VEPH1: variants seen among roughly 807,000 people sequenced by gnomAD.
VEPH1 encodes the protein ventricular zone-expressed PH domain-containing protein homolog 1.
Under a neutral mutation model 85.2 loss-of-function variants are expected in VEPH1, and 80 were observed. That is an observed-to-expected ratio of 0.94 (90% CI 0.78 to 1.13). The LOEUF (loss-of-function observed/expected upper bound fraction) is 1.13. Ranked by LOEUF, VEPH1 falls within the 50% of genes most tolerant of loss-of-function variation. The pLI is 0.00. For synonymous variants in VEPH1, 297 were observed against 348.0 expected, an observed-to-expected ratio of 0.85 and a Z score of 1.63; for missense variants, 955 against 980.5, an observed-to-expected ratio of 0.97 and a Z score of 0.35.
At chr3:157,488,715 C>T (rs906735124) in intron 2 of VEPH1, among the ~76,000 whole-genome samples, 3 of 151,968 alleles carry the variant, frequency 2.0e-5, no homozygotes, top group Non-Finnish European at 4.4e-5. Context: ...CAGACTCATA[C>T]ATACAATACT....
intron 2 of VEPH1, among the ~76,000 whole-genome samples, chr3:157,473,111 C>T (rs1358850079): frequency 1.6e-5 from 2 of 124,044 alleles, no homozygotes; most frequent in African/African-American, 6.2e-5. Context: ...CTCACTCTGT[C>T]ACCCAGGCTG....
intron 9 of VEPH1, among the ~76,000 whole-genome samples, chr3:157,344,122 C>G (rs1464568928): frequency 4.6e-5 from 7 of 152,146 alleles, no homozygotes; most frequent in Non-Finnish European, 8.8e-5. Context: ...TGGCACAAGA[C>G]AGGGATGCTC....
chr3:157,426,488 C>T (rs1158538108), intron 5 of VEPH1, among the ~76,000 whole-genome samples: 2 of 152,156 alleles, frequency 1.3e-5, no homozygotes, highest in Non-Finnish European at 2.9e-5. Flanking sequence ...AACCAAACCT[C>T]ATCTGATTTT....
intron 9 of VEPH1, among the ~76,000 whole-genome samples, chr3:157,319,875 T>G (rs1194045717): frequency 6.6e-6 from 1 of 152,172 alleles, no homozygotes; most frequent in Non-Finnish European, 1.5e-5. Context: ...GAGAGATTCT[T>G]AACTTAGAAG....
At chr3:157,409,673 C>A in intron 6 of VEPH1, 1 of 985,410 alleles carries the variant, frequency 1.0e-6, no homozygotes. Flanking sequence ...CTGTTGAAAA[C>A]AGTCTGCTCA....
At chr3:157,438,502 A>G (rs1733854865) in intron 4 of VEPH1, among the ~76,000 whole-genome samples, 1 of 152,122 alleles carries the variant, frequency 6.6e-6, no homozygotes, top group South Asian at 2.1e-4. Flanking sequence ...GGAATTCTTC[A>G]GGGGTCCCCC....
At chr3:157,316,070 A>G (rs1553763281) in intron 10 of VEPH1, 1 of 152,068 alleles carries the variant, frequency 6.6e-6, no homozygotes, top group Non-Finnish European at 1.5e-5. Context: ...GGCATGTCCA[A>G]TCTGTCTCTT....
At chr3:157,492,709 A>G (rs373424245) in intron 2 of VEPH1, among the ~76,000 whole-genome samples, 3 of 152,336 alleles carry the variant, frequency 2.0e-5, no homozygotes, top group South Asian at 4.1e-4. Context: ...GAACATGTTA[A>G]CAATTTGAAC....
chr3:157,362,545 AC>A lies in VEPH1; in HGVS notation c.1735+818del, dbSNP rs1726165829. ...GTCCTGACATAAGATGGTTGAATTT[AC>A]CATTTTTTGACTTTACAATGGTGTG... On this transcript the variant is annotated intron_variant, in intron 9 of 13. Coordinates refer to ENST00000362010, the MANE Select transcript of VEPH1 (RefSeq NM_001167912.2). Among the ~76,000 whole-genome samples the A allele has an allele frequency of 5.3e-5, 8 of 152,066 alleles. 1 individual carries two copies. The South Asian group carries it at 1.7e-3, about 32-fold the overall frequency.
chr3:157,454,172 G>C lies in VEPH1; in HGVS notation c.529+6009C>G, dbSNP rs1735189467. ...CTATAAAATTTGTTTCAAAAATGTA[G>C]CCAAGGTGTTGAAAAAAACATAATT... On this transcript the variant is annotated intron_variant, in intron 4 of 13. Transcript: ENST00000362010. 2.0e-5 allele frequency among the ~76,000 whole-genome samples: 3 copies of C among 152,012 alleles called. No individual in the cohort carries two copies. The South Asian group carries it at 6.2e-4, about 31-fold the overall frequency.
chr3:157,363,748 C>A lies in VEPH1; in HGVS notation c.1351G>T (p.Ala451Ser). 6.2e-7 allele frequency: 1 copy of A among 1,611,418 alleles called. No homozygotes were observed. The highest frequency in any genetic ancestry group is 8.5e-7 in the Non-Finnish European group (1 of 1,178,130). The change falls in exon 9 of 14, where the codon GCT becomes TCT. Residue 451 changes from alanine to serine, a missense_variant. Ala to Ser is a moderately conservative substitution (Grantham distance 99). Coordinates refer to ENST00000362010, the MANE Select transcript of VEPH1 (RefSeq NM_001167912.2). ...NIRFNRSKSL[A>S]FHTMLTKGVG... The stretch of plus-strand genomic sequence containing the variant: ...CCCTTTGTGAGCATAGTGTGGAAAG[C>A]CAAACTTTTTGACCTAGAGTTCAAA...
chr3:157,448,394 T>C (rs1259393850), intron 4 of VEPH1, among the ~76,000 whole-genome samples: 1 of 152,222 alleles, frequency 6.6e-6, no homozygotes, highest in Non-Finnish European at 1.5e-5. Context: ...GCATATTTCT[T>C]TATTATGATC....
chr3:157,488,503 C>CTTTTTTTT (rs368748738), intron 2 of VEPH1, among the ~76,000 whole-genome samples: 1 of 134,216 alleles, frequency 7.5e-6, no homozygotes, highest in African/African-American at 2.9e-5. Context: ...TTCTTTCTTT[C>CTTTTTTTT]TTTCTTTTTT....
chr3:157,274,022 C>T (rs953328342), intron 12 of VEPH1, among the ~76,000 whole-genome samples: 2 of 152,190 alleles, frequency 1.3e-5, no homozygotes, highest in African/African-American at 4.8e-5. Flanking sequence ...CTGCCACTTA[C>T]CAGCTGACTG....
chr3:157,411,043 A>G (rs1170970772), intron 6 of VEPH1, among the ~76,000 whole-genome samples: 1 of 152,158 alleles, frequency 6.6e-6, no homozygotes, highest in African/African-American at 2.4e-5. Flanking sequence ...TGGATTGTAA[A>G]CAAAAGGTTG....
intron 9 of VEPH1, among the ~76,000 whole-genome samples, chr3:157,349,187 G>A (rs574995870): frequency 4.3e-4 from 66 of 152,274 alleles, no homozygotes; most frequent in South Asian, 1.7e-3. Flanking sequence ...AATACACCAT[G>A]ATTAAGTGAT....
At chr3:157,448,847 C>G (rs1838142) in intron 4 of VEPH1, among the ~76,000 whole-genome samples, 24,512 of 152,128 alleles carry the variant, frequency 0.16, 2,221 homozygotes, top group South Asian at 0.32. Flanking sequence ...GAATTGTACT[C>G]CCATAATTCC....
intron 4 of VEPH1, among the ~76,000 whole-genome samples, chr3:157,432,415 T>C (rs1733237989): frequency 6.6e-6 from 1 of 152,164 alleles, no homozygotes; most frequent in African/African-American, 2.4e-5. Flanking sequence ...CTCCTATATT[T>C]TCTCTTAAAG....
rs180908388 is a variant in VEPH1 at position 157,476,785 on chromosome 3, T to C, written c.139-6256A>G. ...CCAACCTGGCAGGAGTAATTAGCCATGCCCATTAGAAGACAGTAGGCTGCT... is the reference window on the plus strand; with the variant it reads ...CCAACCTGGCAGGAGTAATTAGCCACGCCCATTAGAAGACAGTAGGCTGCT... On this transcript the variant is annotated intron_variant, in intron 2 of 13. Coordinates refer to ENST00000362010, the MANE Select transcript of VEPH1 (RefSeq NM_001167912.2). Among the ~76,000 whole-genome samples, 234 of 152,298 alleles carry C rather than the reference T, an allele frequency of 1.5e-3. 2 individuals are homozygous for C. Among genetic ancestry groups the C allele is most frequent in the Admixed American group, 0.014 (216 of 15,290 alleles).
Sources: gnomAD v4.1 joint callset for allele counts (sites outside exome capture counted in the v4.1 genomes callset) on GRCh38, gnomAD v4.1.1 for gene constraint, MANE v1.5 for transcripts, NCBI Gene and HGNC (gene_info 2026-07-23, HGNC 2026-07-21) for gene names.